Variants in ZNF644 observed in about 807,000 individuals in gnomAD.
ZNF644 encodes the protein zinc finger protein 644.
A neutral mutation model predicts 108.0 loss-of-function variants in ZNF644; 20 were observed. That is an observed-to-expected ratio of 0.19 (90% confidence interval 0.13 to 0.27). The LOEUF is 0.27. ZNF644 is among the 10% of genes least tolerant of loss of function. The probability of loss-of-function intolerance (pLI) is 1.00; values close to 1 mark genes in which losing one functional copy is unlikely to be tolerated. For synonymous variants in ZNF644, 542 were observed against 539.1 expected (o/e 1.01, Z -0.08); for missense variants, 1,338 against 1,548.9 (o/e 0.86, Z 2.29).
intron 4 of ZNF644, among the ~76,000 whole-genome samples, chr1:90,924,299 G>A (rs924304340): frequency 5.6e-4 from 85 of 152,188 alleles, no homozygotes; most frequent in African/African-American, 2.0e-3. Context: ...CTTGTATGCC[G>A]TTTTATTAAG....
At chr1:90,988,466 A>G (rs992710609) in intron 1 of ZNF644, among the ~76,000 whole-genome samples, 1 of 152,200 alleles carries the variant, frequency 6.6e-6, no homozygotes, top group African/African-American at 2.4e-5. Context: ...TACTACCCAC[A>G]GCAATCTACA....
At chr1:90,919,258 G>A (rs1649152023) in intron 4 of ZNF644, among the ~76,000 whole-genome samples, 1 of 151,964 alleles carries the variant, frequency 6.6e-6, no homozygotes, top group South Asian at 2.1e-4. Flanking sequence ...CAAGGGGGGA[G>A]GGATACAAAT....
chr1:90,928,036 G>A (rs1420780388), intron 4 of ZNF644, among the ~76,000 whole-genome samples: 1 of 150,938 alleles, frequency 6.6e-6, no homozygotes, highest in Non-Finnish European at 1.5e-5. Context: ...AGTAGAGACG[G>A]AGTTTCACCA....
chr1:90,943,310 G>A (rs1305718399), intron 2 of ZNF644, among the ~76,000 whole-genome samples: 1 of 151,990 alleles, frequency 6.6e-6, no homozygotes, highest in Non-Finnish European at 1.5e-5. Flanking sequence ...GCGTGGTGGT[G>A]GGTGCCTGTA....
intron 1 of ZNF644, among the ~76,000 whole-genome samples, chr1:90,986,155 G>A (rs1015319139): frequency 6.6e-6 from 1 of 152,044 alleles, no homozygotes; most frequent in Non-Finnish European, 1.5e-5. Flanking sequence ...GCTTCAAGCA[G>A]TATTCTAAGA....
intron 2 of ZNF644, among the ~76,000 whole-genome samples, chr1:90,943,973 C>T (rs1253082423): frequency 6.6e-6 from 1 of 152,218 alleles, no homozygotes; most frequent in Non-Finnish European, 1.5e-5. Context: ...ACTTTCCTTT[C>T]CGTTCCCACT....
chr1:90,921,884 GACA>G (rs1200163036), intron 4 of ZNF644, among the ~76,000 whole-genome samples: 1 of 151,888 alleles, frequency 6.6e-6, no homozygotes. Context: ...TGACCATGAC[GACA>G]ACAACATGCC....
intron 2 of ZNF644, among the ~76,000 whole-genome samples, chr1:90,956,633 T>C (rs1653779586): frequency 6.6e-6 from 1 of 152,164 alleles, no homozygotes; most frequent in South Asian, 2.1e-4. Flanking sequence ...TAGGGAATTA[T>C]TACCTTAGGA....
Position 90,940,404 on chromosome 1 carries a change from T to C in ZNF644, c.950A>G (p.Lys317Arg), listed in dbSNP as rs145118167. The change falls in exon 3 of 6, where the codon AAA (lysine) becomes AGA (arginine). Residue 317 changes from lysine (K) to arginine (R), a missense_variant. Around this residue, in one of 6 missense-constraint regions of ZNF644, gnomAD observed 464 missense variants for 457.9 expected, o/e 1.01. Coordinates refer to ENST00000337393, the MANE Select transcript of ZNF644 (RefSeq NM_201269.3). ...CFSDSNCVPN[K>R]SKMQEVDFLE... ...AAAGTCTACTTCTTGCATTTTTGAT[T>C]TATTGGGTACACAATTAGAATCACT... 8.1e-5 allele frequency: 131 copies of C among 1,613,744 alleles called. No individual in the cohort carries two copies. The African/African-American group carries it at 1.7e-3, about 21-fold the overall frequency.
At chr1:90,934,721 T>C (rs1557559461) in intron 4 of ZNF644, among the ~76,000 whole-genome samples, 1 of 152,214 alleles carries the variant, frequency 6.6e-6, no homozygotes, top group Non-Finnish European at 1.5e-5. Flanking sequence ...CCTTAATATA[T>C]TTAAGAAGTA....
At chr1:91,019,035 T>G (rs1660659803) in intron 1 of ZNF644, among the ~76,000 whole-genome samples, 1 of 152,210 alleles carries the variant, frequency 6.6e-6, no homozygotes. Context: ...CTAACAAAAA[T>G]CAGTAATTTA....
rs1305320272 is a variant in ZNF644, at chr1:90,937,762, C to A, written c.3411G>T (p.Leu1137=). 10 of 1,613,716 alleles carry A rather than the reference C, an allele frequency of 6.2e-6. No individual in the cohort carries two copies. The African/African-American group carries it at 1.2e-4, about 19-fold the overall frequency. The change falls in exon 4 of 6, where the codon CTG becomes CTT. Residue 1137 remains leucine, a synonymous_variant. Coordinates refer to ENST00000337393, the MANE Select transcript of ZNF644 (RefSeq NM_201269.3). The part of the protein sequence containing the change: ...AYRNGLKTEA[L]SVSASEEEGL... Reference sequence around the variant, plus strand: ...CTTCTTCTTCTGATGCAGACACTGACAGAGCTTCAGTCTTTAGGCCATTAC... The same window carrying A: ...CTTCTTCTTCTGATGCAGACACTGAAAGAGCTTCAGTCTTTAGGCCATTAC...
chr1:90,946,441 T>C (rs1218540724), intron 2 of ZNF644, among the ~76,000 whole-genome samples: 1 of 152,102 alleles, frequency 6.6e-6, no homozygotes, highest in African/African-American at 2.4e-5. Context: ...TTGAATAAGA[T>C]GATTTCTAAG....
intron 1 of ZNF644, among the ~76,000 whole-genome samples, chr1:91,005,960 C>G (rs1190424985): frequency 1.3e-5 from 2 of 151,498 alleles, no homozygotes; most frequent in African/African-American, 4.8e-5. Flanking sequence ...AATCAATCAA[C>G]CCAAAAGTTG....
chr1:90,921,272 C>T (rs1649401392), intron 4 of ZNF644, among the ~76,000 whole-genome samples: 1 of 152,026 alleles, frequency 6.6e-6, no homozygotes, highest in Non-Finnish European at 1.5e-5. Context: ...TAATATAATG[C>T]AGCTCATCAG....
chr1:91,011,429 T>C, intron 1 of ZNF644, among the ~76,000 whole-genome samples: 1 of 152,212 alleles, frequency 6.6e-6, no homozygotes, highest in East Asian at 1.9e-4. Context: ...GATATATTTT[T>C]TATTATATAC....
intron 1 of ZNF644, among the ~76,000 whole-genome samples, chr1:91,003,541 G>C (rs1022009752): frequency 1.1e-4 from 17 of 151,886 alleles, no homozygotes; most frequent in Admixed American, 3.3e-4. Context: ...TGGGGTGGGG[G>C]CCTGGGGGAG....
Position 90,983,913 on chromosome 1 carries a change from G to A in ZNF644, c.-17-1543C>T, listed in dbSNP as rs568852377. 2.2e-3 allele frequency among the ~76,000 whole-genome samples: 332 copies of A among 152,226 alleles called. 10 individuals carry two copies. The highest frequency in any genetic ancestry group is 8.8e-4 in the Non-Finnish European group (60 of 68,008). ...CGCTGCATCCAGCCTAGGCAACAGAGCAAGACTCTGTCTCCAAAAAAGAGG... is the reference window on the plus strand; with the variant it reads ...CGCTGCATCCAGCCTAGGCAACAGAACAAGACTCTGTCTCCAAAAAAGAGG... On this transcript the variant is annotated intron_variant, in intron 1 of 5. Coordinates refer to ENST00000337393, the MANE Select transcript of ZNF644 (RefSeq NM_201269.3).
At chr1:91,015,625 T>G (rs1022306172) in intron 1 of ZNF644, among the ~76,000 whole-genome samples, 1 of 152,204 alleles carries the variant, frequency 6.6e-6, no homozygotes, top group East Asian at 1.9e-4. Context: ...GTGTATCTAC[T>G]CATCTGCTGA....
Sources: allele counts gnomAD v4.1 joint callset (sites outside exome capture counted in the v4.1 genomes callset), GRCh38; gene constraint gnomAD v4.1.1; regional missense constraint gnomAD v4.1.1; transcripts MANE v1.5; gene names NCBI Gene and HGNC (gene_info 2026-07-23, HGNC 2026-07-21).